Variants in PRKN observed in about 807,000 individuals in gnomAD.
PRKN encodes the protein parkin RBR E3 ubiquitin protein ligase.
PRKN carries 56 observed loss-of-function variants against 59.5 expected under a neutral mutation model. The observed-to-expected ratio is 0.94, with a 90% CI of 0.76 to 1.18. The LOEUF (loss-of-function observed/expected upper bound fraction) is 1.18, where lower values mean the gene tolerates loss of function less well. Among genes scored for constraint, PRKN ranks in the 50% most tolerant of loss-of-function variants. The pLI is 0.00. For missense variants in PRKN, 657 were observed against 596.4 expected (o/e 1.10, Z -1.06); for synonymous variants, 250 against 222.1 (o/e 1.13, Z -1.12).
intron 9 of PRKN, among the ~76,000 whole-genome samples, chr6:161,433,076 AT>A (rs1165511788): frequency 6.6e-6 from 1 of 152,214 alleles, no homozygotes; most frequent in East Asian, 1.9e-4. Flanking sequence ...AAATAAAAAT[AT>A]GTTTTGATGA....
chr6:162,651,298 C>T (rs1481124318), intron 1 of PRKN, among the ~76,000 whole-genome samples: 3 of 152,158 alleles, frequency 2.0e-5, no homozygotes, highest in Admixed American at 6.5e-5. Context: ...ACATCTTCAT[C>T]GATGTTCCCT....
At chr6:161,803,213 G>T (rs768491084) in intron 6 of PRKN, among the ~76,000 whole-genome samples, 1 of 152,142 alleles carries the variant, frequency 6.6e-6, no homozygotes. Flanking sequence ...AAGAATGCTG[G>T]TTTTGCCACT....
intron 7 of PRKN, among the ~76,000 whole-genome samples, chr6:161,591,109 T>G (rs1282785205): frequency 6.6e-6 from 1 of 152,198 alleles, no homozygotes; most frequent in Admixed American, 6.5e-5. Flanking sequence ...AGGACCATCA[T>G]GTTGGCAACT....
chr6:161,819,559 T>C (rs986811933), intron 6 of PRKN, among the ~76,000 whole-genome samples: 2 of 152,202 alleles, frequency 1.3e-5, no homozygotes, highest in Non-Finnish European at 2.9e-5. Flanking sequence ...GTTAAACTCC[T>C]AAATGTTTCT....
At chr6:162,489,609 C>T (rs1316843374) in intron 1 of PRKN, among the ~76,000 whole-genome samples, 1 of 152,240 alleles carries the variant, frequency 6.6e-6, no homozygotes, top group African/African-American at 2.4e-5. Context: ...GAAATAAACA[C>T]TTCAAGCCTC....
intron 3 of PRKN, among the ~76,000 whole-genome samples, chr6:162,230,192 A>T (rs1420556906): frequency 6.6e-6 from 1 of 152,266 alleles, no homozygotes; most frequent in Non-Finnish European, 1.5e-5. Flanking sequence ...GCATGAGCAT[A>T]TCTTACTGAA....
chr6:162,630,079 A>T (rs899265098), intron 1 of PRKN, among the ~76,000 whole-genome samples: 8 of 152,142 alleles, frequency 5.3e-5, no homozygotes, highest in African/African-American at 1.9e-4. Context: ...GTAGGTGCTA[A>T]AGGTGTTTGC....
At chr6:162,176,387 T>G (rs1030354766) in intron 4 of PRKN, among the ~76,000 whole-genome samples, 1 of 152,188 alleles carries the variant, frequency 6.6e-6, no homozygotes, top group African/African-American at 2.4e-5. Context: ...CACCGTCTCG[T>G]GGATAATACC....
At chr6:162,278,292 G>C (rs548109109) in intron 2 of PRKN, among the ~76,000 whole-genome samples, 1 of 152,112 alleles carries the variant, frequency 6.6e-6, no homozygotes, top group Non-Finnish European at 1.5e-5. Flanking sequence ...GAGGGATGAC[G>C]GAGGGATGAA....
In PRKN at chr6:161,349,727, G is replaced by C. The variant is rs764753874; in HGVS notation, c.*372C>G. Reference sequence around the variant, plus strand: ...TCCAGCTACTGATTCTGCCTGTCTCGAATTCAGGTGAGAATGACCCATACA... The same window carrying C: ...TCCAGCTACTGATTCTGCCTGTCTCCAATTCAGGTGAGAATGACCCATACA... On this transcript the variant is annotated 3_prime_UTR_variant, in exon 12 of 12. Coordinates refer to ENST00000366898, the MANE Select transcript of PRKN (RefSeq NM_004562.3). This position sits in a 1 kb window ranked among gnomAD's most constrained non-coding sequence, Gnocchi z 5.5. 2.7e-6 allele frequency: 1 copy of C among 367,350 alleles called. No individual in the cohort carries two copies. The highest frequency in any genetic ancestry group is 5.1e-6 in the Non-Finnish European group (1 of 197,682). 22.8% of individuals were successfully genotyped at this position (367,350 alleles called of 1,614,324 possible).
At chr6:161,406,513 T>C (rs1183257371) in intron 9 of PRKN, among the ~76,000 whole-genome samples, 3 of 152,196 alleles carry the variant, frequency 2.0e-5, no homozygotes, top group African/African-American at 7.2e-5. Flanking sequence ...TTTCTTTGAA[T>C]GGTACCCTAA....
At position 161,438,654 on chromosome 6, in the gene PRKN, GGTCAT is replaced by G. The variant is rs537361826; in HGVS notation, c.1084-51782_1084-51778del. ...GGAAATCTAAATCTTTCAATGCATG[GGTCAT>G]GTGGAAACCGAGAGAGAGAAGAAAA... On this transcript the variant is annotated intron_variant, in intron 9 of 11. Transcript: ENST00000366898. 7.9e-5 allele frequency among the ~76,000 whole-genome samples: 12 copies of G among 152,198 alleles called. No homozygotes were observed. In the South Asian group the frequency reaches 2.5e-3, roughly 32 times the overall value.
intron 1 of PRKN, among the ~76,000 whole-genome samples, chr6:162,505,030 T>A (rs569182530): frequency 4.6e-5 from 7 of 152,084 alleles, no homozygotes; most frequent in African/African-American, 1.7e-4. Flanking sequence ...AATCTAAGAT[T>A]CCGAAGATAC....
chr6:162,403,760 G>T (rs1006635329), intron 2 of PRKN, among the ~76,000 whole-genome samples: 2 of 152,190 alleles, frequency 1.3e-5, no homozygotes, highest in African/African-American at 4.8e-5. Flanking sequence ...TTGGAGTGGG[G>T]AGTGACACAA....
intron 10 of PRKN, among the ~76,000 whole-genome samples, chr6:161,365,366 C>T (rs1459161846): frequency 6.6e-6 from 1 of 152,154 alleles, no homozygotes; most frequent in African/African-American, 2.4e-5. Flanking sequence ...GTTTCTGGCT[C>T]AGGTGTGTGC....
rs182226489 is a variant in PRKN, at chr6:162,070,011, G to A, written c.535-15837C>T. 7.7e-3 allele frequency among the ~76,000 whole-genome samples: 1,174 copies of A among 152,250 alleles called. 24 individuals are homozygous for A. Among genetic ancestry groups the A allele is most frequent in the African/African-American group, 0.027 (1,114 of 41,558 alleles). Reference sequence around the variant, plus strand: ...CATCACCTTGCATTAGTATAAAACAGGTTTGTCTACAAATCGCTTTCACAT... The same window carrying A: ...CATCACCTTGCATTAGTATAAAACAAGTTTGTCTACAAATCGCTTTCACAT... On this transcript the variant is annotated intron_variant, in intron 4 of 11. Transcript: ENST00000366898.
chr6:162,595,547 C>T (rs775788939), intron 1 of PRKN, among the ~76,000 whole-genome samples: 4 of 152,078 alleles, frequency 2.6e-5, no homozygotes, highest in Non-Finnish European at 5.9e-5. Context: ...TGAGCCACTG[C>T]GCCTGGCTTG....
intron 6 of PRKN, among the ~76,000 whole-genome samples, chr6:161,820,592 TAC>T (rs1482257536): frequency 2.0e-5 from 3 of 147,766 alleles, no homozygotes; most frequent in Non-Finnish European, 4.5e-5. Flanking sequence ...AAACAAATAT[TAC>T]AAATATAATT....
chr6:161,883,509 G>T (rs187750029), intron 6 of PRKN, among the ~76,000 whole-genome samples: 3 of 151,234 alleles, frequency 2.0e-5, no homozygotes, highest in South Asian at 2.1e-4. Context: ...GGAAGGGAAG[G>T]TGGGGAGGGG....
Sources: gnomAD v4.1 joint callset for allele counts (sites outside exome capture counted in the v4.1 genomes callset) on GRCh38, gnomAD v4.1.1 for gene constraint, Gnocchi (gnomAD v3.1) non-coding constraint, MANE v1.5 for transcripts, NCBI Gene and HGNC (gene_info 2026-07-23, HGNC 2026-07-21) for gene names.